The following THRB variants were observed in gnomAD, a reference collection of about 807,000 sequenced individuals.
THRB encodes the protein nuclear receptor subfamily 1 group A member 2.
THRB carries 12 observed loss-of-function variants against 47.8 expected under a neutral mutation model. The ratio of observed to expected loss-of-function variants is 0.25; its 90% CI spans 0.16 to 0.41. The LOEUF is 0.41. THRB is among the 10% of genes least tolerant of loss of function. THRB has a pLI of 1.00. For synonymous variants in THRB, 218 were observed against 212.2 expected, an observed-to-expected ratio of 1.03 and a Z score of -0.24; for missense variants, 348 against 589.2, an observed-to-expected ratio of 0.59 and a Z score of 4.24.
At chr3:24,253,388 TG>T (rs1653875701) in intron 3 of THRB, among the ~76,000 whole-genome samples, 1 of 152,112 alleles carries the variant, frequency 6.6e-6, no homozygotes, top group African/African-American at 2.4e-5. Context: ...GATACAGCAT[TG>T]AACAAACACA....
intron 8 of THRB, among the ~76,000 whole-genome samples, chr3:24,137,638 G>C (rs762008096): frequency 2.6e-5 from 4 of 152,174 alleles, no homozygotes; most frequent in Admixed American, 6.5e-5. Context: ...GTGATGGCAT[G>C]AAATGAGGAA....
At chr3:24,232,115 C>T (rs945347606) in intron 3 of THRB, among the ~76,000 whole-genome samples, 5 of 152,152 alleles carry the variant, frequency 3.3e-5, no homozygotes, top group Non-Finnish European at 7.4e-5. Context: ...CCTTCAAAGT[C>T]GATGGTCCTT....
At position 24,118,526 on chromosome 3, in the gene THRB, A is replaced by G. The variant is rs560969105; in HGVS notation, c.*4358T>C. On this transcript the variant is annotated 3_prime_UTR_variant, in exon 11 of 11. Coordinates refer to ENST00000646209, the MANE Select transcript of THRB (RefSeq NM_001354712.2). The stretch of plus-strand genomic sequence containing the variant: ...TCTCAGGGCATGAAAACATTATGGG[A>G]AAAAAAAGGATTTTCTACGAAGAAA... 4.6e-5 allele frequency: 7 copies of G among 152,570 alleles called. No homozygotes were observed. The highest frequency in any genetic ancestry group is 1.3e-4 in the Admixed American group (2 of 15,254). 9.5% of individuals were successfully genotyped at this position (152,570 alleles called of 1,614,324 possible).
chr3:24,483,500 A>ATT (rs1491446716), intron 1 of THRB, among the ~76,000 whole-genome samples: 1 of 104,784 alleles, frequency 9.5e-6, no homozygotes, highest in East Asian at 2.1e-4. Context: ...AGTTCTCTTT[A>ATT]AAAAAAAAAA....
At position 24,117,854 on chromosome 3, in the gene THRB, G is replaced by A. The variant is rs1470884229; in HGVS notation, c.*5030C>T. On this transcript the variant is annotated 3_prime_UTR_variant, in exon 11 of 11. Coordinates refer to ENST00000646209, the MANE Select transcript of THRB (RefSeq NM_001354712.2). Reference sequence around the variant, plus strand: ...CAATTAACATGTGTTCAGGGCAACAGAGATTGAGATATATGTTGGCAGCTG... The same window carrying A: ...CAATTAACATGTGTTCAGGGCAACAAAGATTGAGATATATGTTGGCAGCTG... 6.6e-6 allele frequency: 1 copy of A among 152,244 alleles called. No individual in the cohort carries two copies. The highest frequency in any genetic ancestry group is 1.5e-5 in the Non-Finnish European group (1 of 68,050). 9.4% of individuals were successfully genotyped at this position (152,244 alleles called of 1,614,324 possible). A position where few individuals can be genotyped will look rare whatever the true frequency, so the allele number is the denominator to read the frequency against.
intron 1 of THRB, among the ~76,000 whole-genome samples, chr3:24,369,693 T>C (rs191985996): frequency 1.3e-5 from 2 of 152,316 alleles, no homozygotes; most frequent in African/African-American, 2.4e-5. Context: ...GCACACTCTG[T>C]TTCACTGTTC....
At position 24,281,410 on chromosome 3, in the gene THRB, C is replaced by T. The variant is rs554853706; in HGVS notation, c.-43+15816G>A. On this transcript the variant is annotated intron_variant, in intron 3 of 10. Transcript: ENST00000646209. Reference sequence around the variant, plus strand: ...GCTGAGAGATTTTGTCACCACCAGGCCTGCCCTAGAAGAGCTCCTGAAGGA... The same window carrying T: ...GCTGAGAGATTTTGTCACCACCAGGTCTGCCCTAGAAGAGCTCCTGAAGGA... Among the ~76,000 whole-genome samples the T allele has an allele frequency of 7.1e-3, 1,081 of 151,978 alleles. 6 individuals carry two copies. The highest frequency in any genetic ancestry group is 0.011 in the Non-Finnish European group (714 of 67,968).
At chr3:24,319,270 A>T (rs965148088) in intron 2 of THRB, among the ~76,000 whole-genome samples, 5 of 152,212 alleles carry the variant, frequency 3.3e-5, no homozygotes, top group Non-Finnish European at 5.9e-5. Flanking sequence ...TATCCAAGAG[A>T]AATGGATATG....
intron 3 of THRB, among the ~76,000 whole-genome samples, chr3:24,239,489 T>C (rs1186791242): frequency 6.6e-6 from 1 of 152,062 alleles, no homozygotes; most frequent in Non-Finnish European, 1.5e-5. Flanking sequence ...ACATCATCAT[T>C]ATTATTATTT....
At chr3:24,124,282 G>A (rs933513089) in intron 10 of THRB, among the ~76,000 whole-genome samples, 13 of 152,152 alleles carry the variant, frequency 8.5e-5, no homozygotes, top group Non-Finnish European at 1.9e-4. Context: ...GGCAATTCGT[G>A]CATTTTTATC....
At position 24,154,387 on chromosome 3, in the gene THRB, A is replaced by T. The variant is rs568825912; in HGVS notation, c.284-1897T>A. On this transcript the variant is annotated intron_variant, in intron 5 of 10. Coordinates refer to ENST00000646209, the MANE Select transcript of THRB (RefSeq NM_001354712.2). ...TGCTTAGCATTGTTCTAGGTGCTGAAAATACAAAAATGAGTAAGACATGGT... is the reference window on the plus strand; with the variant it reads ...TGCTTAGCATTGTTCTAGGTGCTGATAATACAAAAATGAGTAAGACATGGT... Among the ~76,000 whole-genome samples the T allele has an allele frequency of 3.3e-5, 5 of 152,344 alleles. No individual in the cohort carries two copies. In the East Asian group the frequency reaches 9.6e-4, roughly 29 times the overall value.
chr3:24,298,325 C>T (rs1230977841), intron 2 of THRB, among the ~76,000 whole-genome samples: 1 of 152,228 alleles, frequency 6.6e-6, no homozygotes, highest in African/African-American at 2.4e-5. Flanking sequence ...CTTCTAGGTA[C>T]TATCCACGCC....
chr3:24,368,617 C>G (rs1359274348), intron 1 of THRB, among the ~76,000 whole-genome samples: 1 of 152,138 alleles, frequency 6.6e-6, no homozygotes, highest in African/African-American at 2.4e-5. Context: ...CTGTTTTTGC[C>G]TAGTTATGTT....
chr3:24,167,740 A>G (rs752290933), intron 5 of THRB, among the ~76,000 whole-genome samples: 1 of 152,160 alleles, frequency 6.6e-6, no homozygotes, highest in African/African-American at 2.4e-5. Context: ...TTCTCATTAA[A>G]GGCAGAAATC....
At chr3:24,291,847 T>C (rs2055949798) in intron 3 of THRB, among the ~76,000 whole-genome samples, 1 of 152,172 alleles carries the variant, frequency 6.6e-6, no homozygotes, top group Non-Finnish European at 1.5e-5. Context: ...TACATGCCTT[T>C]TGACACTGTG....
intron 1 of THRB, among the ~76,000 whole-genome samples, chr3:24,351,821 G>T (rs116013698): frequency 0.01 from 1,551 of 152,268 alleles, 29 homozygotes; most frequent in African/African-American, 0.034. Flanking sequence ...ACACATGAGA[G>T]CAGATGGTGA....
intron 5 of THRB, among the ~76,000 whole-genome samples, chr3:24,175,068 C>T (rs568447604): frequency 6.6e-6 from 1 of 152,300 alleles, no homozygotes; most frequent in South Asian, 2.1e-4. Flanking sequence ...AGTCCAGAAA[C>T]TTAATCATGT....
chr3:24,193,704 CAG>C (rs1473014846), intron 4 of THRB, among the ~76,000 whole-genome samples: 2 of 152,164 alleles, frequency 1.3e-5, no homozygotes, highest in Non-Finnish European at 2.9e-5. Flanking sequence ...ACTTGGAAAA[CAG>C]TGTGGAGATT....
chr3:24,350,063 G>T (rs1435323136), intron 1 of THRB, among the ~76,000 whole-genome samples: 1 of 151,888 alleles, frequency 6.6e-6, no homozygotes, highest in Non-Finnish European at 1.5e-5. Context: ...ATGGCCAAAA[G>T]ACTTGGATAT....
Sources: allele counts gnomAD v4.1 joint callset (sites outside exome capture counted in the v4.1 genomes callset), GRCh38; gene constraint gnomAD v4.1.1; transcripts MANE v1.5; gene names NCBI Gene and HGNC (gene_info 2026-07-23, HGNC 2026-07-21).